PPM1H: variants seen among roughly 807,000 people sequenced by gnomAD.
PPM1H encodes protein phosphatase 1H.
In PPM1H, 27 loss-of-function variants were observed where a neutral mutation model predicts 54.9. That is an observed-to-expected ratio of 0.49 (90% CI 0.36 to 0.68). PPM1H has a LOEUF of 0.68. Ranked by LOEUF, PPM1H falls within the 30% of genes least tolerant of loss-of-function variation. The probability of loss-of-function intolerance (pLI) is 0.00; values close to 1 mark genes in which losing one functional copy is unlikely to be tolerated. For missense variants in PPM1H, 596 were observed against 667.8 expected (o/e 0.89, Z 1.19); for synonymous variants, 305 against 270.8 (o/e 1.13, Z -1.24).
chr12:62,868,370 A>C (rs529468612), intron 1 of PPM1H, among the ~76,000 whole-genome samples: 1 of 152,314 alleles, frequency 6.6e-6, no homozygotes, highest in South Asian at 2.1e-4. Context: ...AGGGCCATCC[A>C]CAAAGCCTTC....
intron 8 of PPM1H, among the ~76,000 whole-genome samples, chr12:62,683,025 G>GTTTATTA (rs1204633115): frequency 2.1e-5 from 3 of 140,212 alleles, no homozygotes; most frequent in South Asian, 2.3e-4. Flanking sequence ...ATTTGGGAGA[G>GTTTATTA]TTTATTATTT....
chr12:62,820,469 C>A (rs1396669820), intron 2 of PPM1H, among the ~76,000 whole-genome samples: 1 of 152,220 alleles, frequency 6.6e-6, no homozygotes, highest in Non-Finnish European at 1.5e-5. Flanking sequence ...CCCCGAGTAG[C>A]CTAACTGGGA....
chr12:62,655,008 G>A (rs926268293), intron 9 of PPM1H, among the ~76,000 whole-genome samples: 1 of 152,200 alleles, frequency 6.6e-6, no homozygotes, highest in Admixed American at 6.5e-5. Flanking sequence ...AGAGCAGTGT[G>A]CGTGGACAAC....
intron 9 of PPM1H, among the ~76,000 whole-genome samples, chr12:62,666,636 C>T (rs2075918931): frequency 6.6e-6 from 1 of 152,126 alleles, no homozygotes; most frequent in South Asian, 2.1e-4. Flanking sequence ...CGCTGAAATG[C>T]CTAAACAAAC....
intron 4 of PPM1H, among the ~76,000 whole-genome samples, chr12:62,768,252 C>T (rs575783388): frequency 6.6e-6 from 1 of 152,248 alleles, no homozygotes; most frequent in South Asian, 2.1e-4. Context: ...AGCTAGTCAG[C>T]TCCACCATAC....
At position 62,718,968 on chromosome 12, in the gene PPM1H, C is replaced by T. The variant is rs117449239; in HGVS notation, c.1073+1203G>A. 9.1e-3 allele frequency among the ~76,000 whole-genome samples: 1,392 copies of T among 152,294 alleles called. 10 individuals carry two copies. Among genetic ancestry groups the T allele is most frequent in the Non-Finnish European group, 0.014 (950 of 68,022 alleles). On this transcript the variant is annotated intron_variant, in intron 6 of 9. Coordinates refer to ENST00000228705, the MANE Select transcript of PPM1H (RefSeq NM_020700.2). Reference sequence around the variant, plus strand: ...TAATTGCCCTGTTGCAGTGTGAAGGCAGTCACAGATCAAACAAACAAATGG... The same window carrying T: ...TAATTGCCCTGTTGCAGTGTGAAGGTAGTCACAGATCAAACAAACAAATGG...
At chr12:62,658,165 C>CGGAGGCCAAGGCAGAGGCAGGAGGATTG (rs1565746905) in intron 9 of PPM1H, among the ~76,000 whole-genome samples, 1 of 142,188 alleles carries the variant, frequency 7.0e-6, no homozygotes, top group African/African-American at 2.6e-5. Flanking sequence ...TTGAGACCAG[C>CGGAGGCCAAGGCAGAGGCAGGAGGATTG]CTGGGTAACA....
At chr12:62,743,615 T>C (rs2076394343) in intron 4 of PPM1H, among the ~76,000 whole-genome samples, 1 of 152,094 alleles carries the variant, frequency 6.6e-6, no homozygotes, top group Admixed American at 6.5e-5. Flanking sequence ...TTTACAATTT[T>C]TCTTAAAGGG....
intron 4 of PPM1H, among the ~76,000 whole-genome samples, chr12:62,763,990 T>C (rs2076526649): frequency 6.6e-6 from 1 of 152,184 alleles, no homozygotes; most frequent in African/African-American, 2.4e-5. Flanking sequence ...AGGGTGCTTC[T>C]CAGTCCTGGA....
chr12:62,835,379 C>T (rs750113781), intron 1 of PPM1H, among the ~76,000 whole-genome samples: 3 of 152,192 alleles, frequency 2.0e-5, no homozygotes, highest in Admixed American at 6.5e-5. Context: ...CAGCTAAATG[C>T]GAACACACTT....
chr12:62,695,040 G>A (rs535929865), intron 6 of PPM1H, among the ~76,000 whole-genome samples: 4 of 152,272 alleles, frequency 2.6e-5, no homozygotes, highest in African/African-American at 9.6e-5. Context: ...TCTCCTGAGT[G>A]CATTAAAAAT....
At position 62,788,293 on chromosome 12, in the gene PPM1H, C is replaced by T. The variant is rs2076684697; in HGVS notation, c.802G>A (p.Gly268Ser). The change falls in exon 4 of 10, where the codon GGC (glycine) becomes AGC (serine). Residue 268 changes from glycine (G) to serine (S), a missense_variant. Gly to Ser is a moderately conservative substitution (Grantham distance 56, BLOSUM62 0). This residue lies in a region of PPM1H where 382 missense variants were observed against 387.1 expected (regional missense o/e 0.99). Coordinates refer to ENST00000228705, the MANE Select transcript of PPM1H (RefSeq NM_020700.2). ...RERSSYNISG[G>S]CTALIVICLL... ...CAAATCACAATGAGGGCCGTGCAGCCACCAGATATATTATATGAACTCCTC... is the reference window on the plus strand; with the variant it reads ...CAAATCACAATGAGGGCCGTGCAGCTACCAGATATATTATATGAACTCCTC... The T allele has an allele frequency of 6.3e-7, 1 of 1,594,050 alleles. No homozygotes were observed. The highest frequency in any genetic ancestry group is 1.3e-5 in the African/African-American group (1 of 74,606).
intron 1 of PPM1H, among the ~76,000 whole-genome samples, chr12:62,927,533 G>A (rs535684710): frequency 2.6e-5 from 4 of 151,518 alleles, no homozygotes; most frequent in Admixed American, 1.3e-4. Flanking sequence ...GTGGTGGTGG[G>A]CGCCTGTAAT....
intron 1 of PPM1H, among the ~76,000 whole-genome samples, chr12:62,879,281 G>A (rs981623122): frequency 1.3e-4 from 20 of 152,128 alleles, no homozygotes; most frequent in African/African-American, 4.8e-4. Flanking sequence ...TTCAATTCTG[G>A]TTGCACATTA....
intron 9 of PPM1H, among the ~76,000 whole-genome samples, chr12:62,653,783 CAGG>C (rs2075828321): frequency 6.6e-6 from 1 of 152,106 alleles, no homozygotes; most frequent in Non-Finnish European, 1.5e-5. Context: ...CCCCATACCA[CAGG>C]AGTAGTATTG....
intron 6 of PPM1H, 59 bp from the exon 7 acceptor site, chr12:62,694,058 C>T: frequency 1.4e-6 from 2 of 1,414,594 alleles, no homozygotes; most frequent in South Asian, 2.5e-5. Flanking sequence ...ACCTGCTGCC[C>T]TGACACCGAC....
chr12:62,659,107 C>G (rs2075864765), intron 9 of PPM1H: 4 of 732,506 alleles, frequency 5.5e-6, no homozygotes, highest in Non-Finnish European at 1.0e-5. Context: ...TCTTACTGTG[C>G]TGAGATCATT....
At chr12:62,655,010 G>T (rs941728696) in intron 9 of PPM1H, among the ~76,000 whole-genome samples, 3 of 152,200 alleles carry the variant, frequency 2.0e-5, no homozygotes, top group Admixed American at 6.5e-5. Flanking sequence ...AGCAGTGTGC[G>T]TGGACAACTG....
At chr12:62,693,238 C>T (rs1015396342) in intron 7 of PPM1H, among the ~76,000 whole-genome samples, 2 of 152,226 alleles carry the variant, frequency 1.3e-5, no homozygotes, top group African/African-American at 4.8e-5. Context: ...TGCTCAGAGA[C>T]CACTTTAGGA....
Sources: gnomAD v4.1 joint callset for allele counts (sites outside exome capture counted in the v4.1 genomes callset) on GRCh38, gnomAD v4.1.1 for gene constraint, gnomAD v4.1.1 regional missense constraint, MANE v1.5 for transcripts, NCBI Gene and HGNC (gene_info 2026-07-23, HGNC 2026-07-21) for gene names.